The following PAPLN variants were observed in gnomAD, a reference collection of about 807,000 sequenced individuals.
The protein encoded by PAPLN is papilin.
PAPLN carries 146 observed loss-of-function variants against 159.0 expected under a neutral mutation model. That is an observed-to-expected ratio of 0.92 (90% CI 0.80 to 1.05). PAPLN has a LOEUF of 1.05. PAPLN is among the 50% of genes least tolerant of loss of function. The probability of loss-of-function intolerance (pLI) is 0.00; values close to 1 mark genes in which losing one functional copy is unlikely to be tolerated. For missense variants in PAPLN, 1,720 were observed against 1,743.9 expected, an observed-to-expected ratio of 0.99 and a Z score of 0.24; for synonymous variants, 734 against 702.9, an observed-to-expected ratio of 1.04 and a Z score of -0.70.
chr14:73,253,982 G>A, intron 12 of PAPLN, 21 bp downstream of exon 12: 2 of 1,598,318 alleles, frequency 1.3e-6, no homozygotes, highest in Non-Finnish European at 1.7e-6. Context: ...TGGCCCGCAT[G>A]GGGCTGGTGC....
chr14:73,261,408 C>T, intron 18 of PAPLN, 114 bp downstream of exon 18: 2 of 1,406,332 alleles, frequency 1.4e-6, no homozygotes, highest in Non-Finnish European at 1.9e-6. Flanking sequence ...TCATTCATTC[C>T]TACCACAAAT....
chr14:73,260,937 CT>C (rs2140279403), intron 17 of PAPLN, 108 bp downstream of exon 17: 4 of 1,439,372 alleles, frequency 2.8e-6, no homozygotes, highest in South Asian at 2.9e-5. Flanking sequence ...AAGGAGGTCC[CT>C]GCAAATCTGC....
chr14:73,243,976 G>A (rs1170508197), intron 2 of PAPLN: 1 of 152,362 alleles, frequency 6.6e-6, no homozygotes, highest in Non-Finnish European at 1.5e-5. Flanking sequence ...CAGCCTGAAA[G>A]AGTACAGGAG....
chr14:73,261,231 T>C lies in PAPLN; in HGVS notation c.2182T>C (p.Tyr728His). The C allele has an allele frequency of 6.2e-7, 1 of 1,613,788 alleles. No homozygotes were observed. Among genetic ancestry groups the C allele is most frequent in the African/African-American group, 1.3e-5 (1 of 74,972 alleles). ...CCGGGGCTCCCAGTTTGGCTGTTGC[T>C]ATGACAACGTGGCCACTGCAGCCGG... ...ECRGSQFGCC[Y>H]DNVATAAGPL... is the part of the protein sequence containing the mutation. The change falls in exon 18 of 27, where the codon TAT (tyrosine) becomes CAT (histidine). Residue 728 changes from tyrosine (Y) to histidine (H), a missense_variant. Physicochemically the swap from Tyr to His is moderately conservative, Grantham distance 83 (BLOSUM62 2). Transcript: ENST00000644200.
chr14:73,245,994 C>T lies in PAPLN; in HGVS notation c.232-79C>T, dbSNP rs2140196912. 13 of 1,383,132 alleles carry T rather than the reference C, an allele frequency of 9.4e-6. No homozygotes were observed. The East Asian group carries it at 1.1e-4, about 11-fold the overall frequency. 85.7% of individuals were successfully genotyped at this position (1,383,132 alleles called of 1,614,324 possible). A position where few individuals can be genotyped will look rare whatever the true frequency, so the allele number is the denominator to read the frequency against. ...GCAGGCAAGGGAGACTCCTGGGCTC[C>T]CTGGGCTCGGGCGGGGCGGGAGGTG... On this transcript the variant is annotated intron_variant, in intron 4 of 26. Transcript: ENST00000644200. This position sits in a 1 kb window ranked among gnomAD's most constrained non-coding sequence, Gnocchi z 4.2.
chr14:73,239,815 C>G lies in PAPLN; in HGVS notation c.37C>G (p.Pro13Ala). Residue 13 changes from proline (P) to alanine (A), a missense_variant, in exon 2 of 27, where the codon CCA becomes GCA. Pro to Ala is a conservative substitution (Grantham distance 27). Transcript: ENST00000644200. The stretch of plus-strand genomic sequence containing the variant: ...CCTGCTCGTGCCGCTGCTGCTGGCT[C>G]CAGCGCCCGGGTCCTCGGTGAGTGC... ...LLLLVPLLLA[P>A]APGSSAPKVR... 6.3e-7 allele frequency: 1 copy of G among 1,593,610 alleles called. No homozygotes were observed. Among genetic ancestry groups the G allele is most frequent in the Non-Finnish European group, 8.5e-7 (1 of 1,175,788 alleles).
chr14:73,236,401 A>G (rs1883035701), upstream of PAPLN, among the ~76,000 whole-genome samples: 1 of 152,134 alleles, frequency 6.6e-6, no homozygotes, highest in African/African-American at 2.4e-5. Flanking sequence ...GGTGGTGTGG[A>G]GACGGCTTCA....
rs557301933 is a variant in PAPLN at position 73,264,669 on chromosome 14, C to T, written c.3068C>T (p.Ala1023Val). 5.4e-5 allele frequency: 87 copies of T among 1,610,618 alleles called. No homozygotes were observed. In the Middle Eastern group the frequency reaches 8.3e-4, roughly 15 times the overall value. ...PRDPAQDFGQAGAAGPLGAIP... is the reference protein window; with the variant it reads ...PRDPAQDFGQVGAAGPLGAIP... ...GACCCAGCTCAGGACTTTGGCCAAG[C>T]GGGGGCTGCTGGGCCCCTGGGGGCC... The change falls in exon 22 of 27, where the codon GCG becomes GTG. Residue 1023 changes from alanine (A) to valine (V), a missense_variant. Coordinates refer to ENST00000644200, the MANE Select transcript of PAPLN (RefSeq NM_001365906.3).
intron 17 of PAPLN, 80 bp downstream of exon 17, chr14:73,260,909 C>T: frequency 1.3e-6 from 2 of 1,483,902 alleles, no homozygotes; most frequent in Admixed American, 2.4e-5. Context: ...AGGATCTTTG[C>T]CGCTTTGGCC....
At position 73,264,252 on chromosome 14, in the gene PAPLN, T is replaced by C; in HGVS notation, c.2903T>C (p.Leu968Pro). ...QFDGSLIIHP[L>P]QAEDAGTYSC... ...GACGGATCCCTGATCATCCACCCCC[T>C]GCAGGCAGAGGACGCGGGCACCTAC... The change falls in exon 21 of 27, where the codon CTG (leucine) becomes CCG (proline). Residue 968 changes from leucine (L) to proline (P), a missense_variant. Coordinates refer to ENST00000644200, the MANE Select transcript of PAPLN (RefSeq NM_001365906.3). 1.9e-6 allele frequency: 3 copies of C among 1,613,832 alleles called. No homozygotes were observed. The highest frequency in any genetic ancestry group is 2.5e-6 in the Non-Finnish European group (3 of 1,179,966).
intron 25 of PAPLN, among the ~76,000 whole-genome samples, chr14:73,267,774 C>A (rs1887364368): frequency 1.3e-5 from 2 of 152,184 alleles, no homozygotes; most frequent in South Asian, 4.1e-4. Flanking sequence ...GCCTGTCAGG[C>A]CTGCTTCTCC....
At position 73,262,645 on chromosome 14, in the gene PAPLN, G is replaced by T. The variant is rs1333603438; in HGVS notation, c.2541G>T (p.Val847=). Residue 847 remains valine, a synonymous_variant, in exon 19 of 27, where the codon GTG becomes GTT. Coordinates refer to ENST00000644200, the MANE Select transcript of PAPLN (RefSeq NM_001365906.3). ...GCCAGCACAGGACAGGGGCCGCGGTGCAGAGAAAGCCCTGGCCTTCTGGTG... is the reference window on the plus strand; with the variant it reads ...GCCAGCACAGGACAGGGGCCGCGGTTCAGAGAAAGCCCTGGCCTTCTGGTG... The part of the protein sequence containing the change: ...EPSQHRTGAA[V]QRKPWPSGGL... The T allele has an allele frequency of 5.3e-6, 8 of 1,507,126 alleles. No homozygotes were observed. Among genetic ancestry groups the T allele is most frequent in the Middle Eastern group, 3.7e-4 (2 of 5,470 alleles). 93.4% of individuals were successfully genotyped at this position (1,507,126 alleles called of 1,614,324 possible).
chr14:73,241,529 C>T (rs1883535938), intron 2 of PAPLN, among the ~76,000 whole-genome samples: 1 of 152,244 alleles, frequency 6.6e-6, no homozygotes. Flanking sequence ...TCTCTTAAAC[C>T]TTTTCTCCCT....
intron 25 of PAPLN, among the ~76,000 whole-genome samples, chr14:73,267,905 C>T (rs192835009): frequency 1.3e-5 from 2 of 152,288 alleles, no homozygotes; most frequent in Admixed American, 6.5e-5. Context: ...GTCCCCTTTA[C>T]AGCTGTCCAT....
chr14:73,239,927 C>T (rs1051699157), intron 2 of PAPLN, 95 bp downstream of exon 2: 14 of 1,460,986 alleles, frequency 9.6e-6, no homozygotes, highest in Middle Eastern at 4.9e-4. Context: ...AGGAAAGGGG[C>T]GATGTCAGGG....
At chr14:73,253,682 G>A in intron 11 of PAPLN, 72 bp from the exon 12 acceptor site, 1 of 1,428,642 alleles carries the variant, frequency 7.0e-7, no homozygotes. Context: ...TGTGAGTGAG[G>A]GCAGAAACCC....
intron 21 of PAPLN, 105 bp downstream of exon 21, chr14:73,264,440 G>A (rs1488312405): frequency 2.0e-6 from 3 of 1,534,172 alleles, no homozygotes; most frequent in Non-Finnish European, 2.6e-6. Flanking sequence ...GGGGCCCAGG[G>A]TGTCTCTCTG....
rs1297634739 is a variant in PAPLN, at chr14:73,274,612, A to G, written c.*1948A>G. Reference sequence around the variant, plus strand: ...CTATAGAAATTGGAAAATAAAGGCCACTTTTTTGAAATCCCCAGTTTAATT... The same window carrying G: ...CTATAGAAATTGGAAAATAAAGGCCGCTTTTTTGAAATCCCCAGTTTAATT... On this transcript the variant is annotated 3_prime_UTR_variant, in exon 27 of 27. Coordinates refer to ENST00000644200, the MANE Select transcript of PAPLN (RefSeq NM_001365906.3). 1 of 152,210 alleles carries G rather than the reference A, an allele frequency of 6.6e-6. No homozygotes were observed. The highest frequency in any genetic ancestry group is 1.5e-5 in the Non-Finnish European group (1 of 68,040). The allele number at this position is 152,210 out of a possible 1,614,324, so 9.4% of individuals were successfully genotyped here. A position where few individuals can be genotyped will look rare whatever the true frequency, so the allele number is the denominator to read the frequency against.
At position 73,272,478 on chromosome 14, in the gene PAPLN, C is replaced by T; in HGVS notation, c.3668-17C>T. The T allele has an allele frequency of 1.3e-6, 2 of 1,500,904 alleles. No homozygotes were observed. The highest frequency in any genetic ancestry group is 1.8e-6 in the Non-Finnish European group (2 of 1,113,914). 93.0% of individuals were successfully genotyped at this position (1,500,904 alleles called of 1,614,324 possible). On this transcript the variant is annotated splice_polypyrimidine_tract_variant and intron_variant, in intron 26 of 26. Transcript: ENST00000644200. ...AGAGCTTCCTCACCACCTTCTCTCT[C>T]CCCTGTCGTTCTGCAGCACCCACCG... is the stretch of plus-strand genomic sequence containing the variant.
Sources: allele counts gnomAD v4.1 joint callset (sites outside exome capture counted in the v4.1 genomes callset), GRCh38; gene constraint gnomAD v4.1.1; non-coding constraint Gnocchi (gnomAD v3.1); transcripts MANE v1.5; gene names NCBI Gene and HGNC (gene_info 2026-07-23, HGNC 2026-07-21).